CAPN5: variants seen among roughly 807,000 people sequenced by gnomAD.
CAPN5 encodes calpain 5.
Under a neutral mutation model 73.0 loss-of-function variants are expected in CAPN5, and 54 were observed. The observed-to-expected ratio is 0.74, with a 90% CI of 0.59 to 0.93. The LOEUF (loss-of-function observed/expected upper bound fraction) is 0.93. CAPN5 is among the 40% of genes least tolerant of loss of function. CAPN5 has a pLI of 0.00. For missense variants in CAPN5, 785 were observed against 882.9 expected (o/e 0.89, Z 1.41); for synonymous variants, 335 against 356.9 (o/e 0.94, Z 0.69).
At chr11:77,113,724 C>G (rs1418889114) in intron 4 of CAPN5, among the ~76,000 whole-genome samples, 1 of 151,830 alleles carries the variant, frequency 6.6e-6, no homozygotes, top group African/African-American at 2.4e-5. Flanking sequence ...GAGTCTCCAC[C>G]ACCTGGATGC....
intron 1 of CAPN5, among the ~76,000 whole-genome samples, chr11:77,077,600 G>T (rs1555034079): frequency 6.6e-6 from 1 of 151,214 alleles, no homozygotes; most frequent in East Asian, 2.0e-4. Context: ...CGCGATCTCG[G>T]CTCACTGCAA....
At chr11:77,118,932 G>A in intron 8 of CAPN5, 98 bp from the exon 9 acceptor site, 1 of 1,356,268 alleles carries the variant, frequency 7.4e-7, no homozygotes, top group Non-Finnish European at 1.0e-6. Context: ...TGCTGTGACT[G>A]GTCCAGGCTC....
rs782719445 is a variant in CAPN5 at position 77,084,892 on chromosome 11, C to G, written c.6C>G (p.Phe2Leu). 6 of 1,613,984 alleles carry G rather than the reference C, an allele frequency of 3.7e-6. No homozygotes were observed. Among genetic ancestry groups the G allele is most frequent in the Non-Finnish European group, 5.1e-6 (6 of 1,180,040 alleles). M[F>L]SCVKPYEDQN... Reference sequence around the variant, plus strand: ...TCCCTGGGGCAGCAGCCACCATGTTCTCGTGTGTGAAGCCCTATGAGGACC... The same window carrying G: ...TCCCTGGGGCAGCAGCCACCATGTTGTCGTGTGTGAAGCCCTATGAGGACC... Residue 2 changes from phenylalanine (F) to leucine (L), a missense_variant, in exon 2 of 13, where the codon TTC becomes TTG. Transcript: ENST00000648180.
intron 3 of CAPN5, among the ~76,000 whole-genome samples, chr11:77,106,837 G>C (rs564155478): frequency 6.6e-6 from 1 of 152,230 alleles, no homozygotes; most frequent in Non-Finnish European, 1.5e-5. Flanking sequence ...GGCAGCAGGC[G>C]CAGGGCGGAG....
At chr11:77,077,138 C>T (rs1949979533) in intron 1 of CAPN5, among the ~76,000 whole-genome samples, 1 of 152,168 alleles carries the variant, frequency 6.6e-6, no homozygotes, top group Non-Finnish European at 1.5e-5. Context: ...AGGCGGATCA[C>T]CTGAGGTCAG....
chr11:77,088,824 A>G (rs1485311711), intron 2 of CAPN5, among the ~76,000 whole-genome samples: 3 of 152,066 alleles, frequency 2.0e-5, no homozygotes, highest in Non-Finnish European at 4.4e-5. Flanking sequence ...TGTGCCACGA[A>G]GGGAGAAGGG....
chr11:77,113,851 G>A (rs557369400), intron 4 of CAPN5, among the ~76,000 whole-genome samples: 2 of 152,128 alleles, frequency 1.3e-5, no homozygotes, highest in Admixed American at 6.5e-5. Context: ...ATACAATTCA[G>A]TGGCATTCAT....
Position 77,068,730 on chromosome 11 carries a change from G to A in CAPN5, c.-36+1636G>A, listed in dbSNP as rs549297764. 6.6e-5 allele frequency among the ~76,000 whole-genome samples: 10 copies of A among 152,280 alleles called. No homozygotes were observed. In the South Asian group the frequency reaches 2.1e-3, roughly 32 times the overall value. On this transcript the variant is annotated intron_variant, in intron 1 of 12. Transcript: ENST00000648180. The stretch of plus-strand genomic sequence containing the variant: ...CCCCACCCAGGGCTAGGCTTGGCAG[G>A]GGAGGAGGGACCCTGATAAAGTTTC...
Position 77,115,589 on chromosome 11 carries a change from G to C in CAPN5, c.893+1G>C. On this transcript the variant is annotated splice_donor_variant, in intron 6 of 12. Coordinates refer to ENST00000648180, the MANE Select transcript of CAPN5 (RefSeq NM_004055.5). LOFTEE classifies it high-confidence loss of function. ...AGTGGAACGGGCCCTGGAGTGACAC[G>C]TGAGGCCTGGGGATGGGGGTGCAGG... 1.9e-6 allele frequency: 3 copies of C among 1,605,204 alleles called. No homozygotes were observed. The highest frequency in any genetic ancestry group is 1.3e-5 in the African/African-American group (1 of 74,922).
chr11:77,077,766 C>T (rs1043870393), intron 1 of CAPN5, among the ~76,000 whole-genome samples: 2 of 152,114 alleles, frequency 1.3e-5, no homozygotes, highest in Admixed American at 6.5e-5. Context: ...CCACCTGCCT[C>T]GGCCTCCCAA....
chr11:77,087,937 T>A lies in CAPN5; in HGVS notation c.165+2886T>A, dbSNP rs563973295. On this transcript the variant is annotated intron_variant, in intron 2 of 12. Transcript: ENST00000648180. The stretch of plus-strand genomic sequence containing the variant: ...ACAGGCTCGCTATGTTTTTGTTCTT[T>A]CCAGTACAGTGGCCATTCGCTGGCC... 3 of 1,536,024 alleles carry A rather than the reference T, an allele frequency of 2.0e-6. No homozygotes were observed. In the South Asian group the frequency reaches 3.6e-5, roughly 18 times the overall value.
At position 77,114,449 on chromosome 11, in the gene CAPN5, G is replaced by T. The variant is rs1950446487; in HGVS notation, c.699+15G>T. On this transcript the variant is annotated intron_variant, in intron 5 of 12. Coordinates refer to ENST00000648180, the MANE Select transcript of CAPN5 (RefSeq NM_004055.5). ...CCTCCATCAAGGTGAGAACACGGCA[G>T]TCCCCAGAGGCGACCCCTCCCCTTC... The T allele has an allele frequency of 6.2e-7, 1 of 1,609,110 alleles. No homozygotes were observed. The highest frequency in any genetic ancestry group is 8.5e-7 in the Non-Finnish European group (1 of 1,175,674).
chr11:77,115,629 G>A (rs776950021), intron 6 of CAPN5, 41 bp downstream of exon 6: 218 of 1,546,220 alleles, frequency 1.4e-4, no homozygotes, highest in Non-Finnish European at 1.9e-4. Flanking sequence ...GGGCATGAGG[G>A]CTTGGACAAG....
At chr11:77,121,499 G>A (rs1352438830) in intron 10 of CAPN5, among the ~76,000 whole-genome samples, 1 of 152,284 alleles carries the variant, frequency 6.6e-6, no homozygotes, top group Non-Finnish European at 1.5e-5. Context: ...GGCAGCTTGT[G>A]GCATGTGGAG....
chr11:77,073,152 G>C (rs1032428278), intron 1 of CAPN5: 1 of 1,267,132 alleles, frequency 7.9e-7, no homozygotes, highest in African/African-American at 1.5e-5. Flanking sequence ...GGTGGCCACC[G>C]CACTGGGTTG....
intron 3 of CAPN5, chr11:77,103,393 T>A: frequency 1.3e-6 from 2 of 1,534,056 alleles, no homozygotes; most frequent in Non-Finnish European, 8.7e-7. Context: ...CCCTGCCACT[T>A]TCCCCCCTGT....
At chr11:77,118,116 G>T (rs782184606) in intron 7 of CAPN5, 41 bp from the exon 8 acceptor site, 2 of 1,566,850 alleles carry the variant, frequency 1.3e-6, no homozygotes, top group African/African-American at 1.3e-5. Context: ...GCCTGGGGAG[G>T]TGTGGGGGAG....
At chr11:77,087,148 G>A (rs996381383) in intron 2 of CAPN5, among the ~76,000 whole-genome samples, 7 of 152,196 alleles carry the variant, frequency 4.6e-5, no homozygotes, top group African/African-American at 1.2e-4. Context: ...GATGGTCCAC[G>A]GCACTGCCTG....
intron 1 of CAPN5, among the ~76,000 whole-genome samples, chr11:77,083,319 G>A (rs1206134576): frequency 1.3e-5 from 2 of 152,156 alleles, no homozygotes; most frequent in African/African-American, 2.4e-5. Flanking sequence ...GCCCGCGCTC[G>A]CCTCTTTCCT....
Sources: gnomAD v4.1 joint callset for allele counts (sites outside exome capture counted in the v4.1 genomes callset) on GRCh38, gnomAD v4.1.1 for gene constraint, MANE v1.5 for transcripts, NCBI Gene and HGNC (gene_info 2026-07-23, HGNC 2026-07-21) for gene names.